Variants in SEMA3D observed in about 807,000 individuals in gnomAD.
The protein encoded by SEMA3D is semaphorin-3D.
In SEMA3D, 84 loss-of-function variants were observed where a neutral mutation model predicts 100.1. The observed-to-expected ratio is 0.84, with a 90% CI of 0.70 to 1.01. The LOEUF (loss-of-function observed/expected upper bound fraction) is 1.01. SEMA3D is among the 50% of genes least tolerant of loss of function. The probability of loss-of-function intolerance (pLI) is 0.00; values close to 1 mark genes in which losing one functional copy is unlikely to be tolerated. For missense variants in SEMA3D, 875 were observed against 934.1 expected (o/e 0.94, Z 0.82); for synonymous variants, 312 against 320.7 (o/e 0.97, Z 0.29).
At chr7:85,101,667 A>C (rs992929118) in intron 3 of SEMA3D, among the ~76,000 whole-genome samples, 55 of 152,152 alleles carry the variant, frequency 3.6e-4, no homozygotes, top group African/African-American at 1.3e-3. Flanking sequence ...TTATAATAAC[A>C]ATGATGTATT....
intron 12 of SEMA3D, among the ~76,000 whole-genome samples, chr7:85,034,837 T>C (rs568102474): frequency 2.0e-5 from 3 of 151,980 alleles, no homozygotes; most frequent in Non-Finnish European, 2.9e-5. Context: ...AAGGAGGATG[T>C]GGGGAAATTG....
At chr7:85,075,424 T>TAAA (rs113310937) in intron 5 of SEMA3D, among the ~76,000 whole-genome samples, 32 of 141,588 alleles carry the variant, frequency 2.3e-4, no homozygotes, top group Admixed American at 5.0e-4. Context: ...TGGTGATTAT[T>TAAA]AAAAAAAAAA....
chr7:85,057,155 T>A (rs1791344435), intron 8 of SEMA3D, among the ~76,000 whole-genome samples: 1 of 152,058 alleles, frequency 6.6e-6, no homozygotes, highest in Non-Finnish European at 1.5e-5. Flanking sequence ...TGTAAAAATG[T>A]TTGCAATATG....
In SEMA3D at chr7:85,126,411, G is replaced by A. The variant is rs1218700660; in HGVS notation, c.-40-4480C>T. ...GTGTGTGTGTGTGTGTGTCGTGTGT[G>A]TGTGTGTGTGTGTGTGTGTGTGTGT... On this transcript the variant is annotated intron_variant, in intron 2 of 18. Transcript: ENST00000284136. 1.2e-3 allele frequency among the ~76,000 whole-genome samples: 59 copies of A among 50,546 alleles called. 1 individual carries two copies. Among genetic ancestry groups the A allele is most frequent in the Middle Eastern group, 0.016 (2 of 122 alleles). 33.2% of individuals were successfully genotyped at this position (50,546 alleles called of 152,430 possible).
upstream of SEMA3D, among the ~76,000 whole-genome samples, chr7:85,191,241 ATATAGGAGTC>A (rs1256776687): frequency 4.6e-5 from 7 of 152,140 alleles, no homozygotes; most frequent in Admixed American, 3.3e-4. Context: ...TCCACGCCTG[ATATAGGAGTC>A]TATATGGTTG....
At chr7:85,236,843 AG>A in the SEMA3D span, among the ~76,000 whole-genome samples, 1 of 152,218 alleles carries the variant, frequency 6.6e-6, no homozygotes, top group East Asian at 1.9e-4. Context: ...CATAAGCTAA[AG>A]AACAGGCACA....
chr7:85,104,576 A>G (rs1788853356), intron 3 of SEMA3D, among the ~76,000 whole-genome samples: 2 of 151,994 alleles, frequency 1.3e-5, no homozygotes, highest in African/African-American at 4.8e-5. Context: ...CCGATGGTCT[A>G]TATTCTTCCT....
chr7:85,044,676 G>A (rs1790957587), intron 9 of SEMA3D, among the ~76,000 whole-genome samples: 1 of 151,986 alleles, frequency 6.6e-6, no homozygotes. Flanking sequence ...GTTCATGTGT[G>A]CTGGAGGCTT....
At chr7:85,011,951 ATGTGTGTGTGTTTGG>A (rs1026340843) in intron 17 of SEMA3D, among the ~76,000 whole-genome samples, 3 of 151,364 alleles carry the variant, frequency 2.0e-5, no homozygotes, top group Admixed American at 6.6e-5. Flanking sequence ...GTGTGTGTGC[ATGTGTGTGTGTTTGG>A]TGTGTGTGTG....
chr7:85,047,000 C>A (rs981544803), intron 9 of SEMA3D, among the ~76,000 whole-genome samples: 13 of 151,808 alleles, frequency 8.6e-5, no homozygotes, highest in African/African-American at 3.1e-4. Context: ...AGCCTTGACA[C>A]CCTCTACACA....
chr7:85,104,966 A>C (rs1788868539), intron 3 of SEMA3D, among the ~76,000 whole-genome samples: 2 of 152,074 alleles, frequency 1.3e-5, no homozygotes, highest in African/African-American at 4.8e-5. Flanking sequence ...AAATAGATCC[A>C]GATCAAAATA....
intron 1 of SEMA3D, among the ~76,000 whole-genome samples, chr7:85,174,538 C>A (rs542118209): frequency 1.3e-5 from 2 of 152,126 alleles, no homozygotes; most frequent in South Asian, 4.2e-4. Context: ...TTATTTTGTG[C>A]AAGACTTGGC....
intron 3 of SEMA3D, among the ~76,000 whole-genome samples, chr7:85,113,710 G>T (rs113043637): frequency 4.0e-5 from 6 of 151,376 alleles, no homozygotes; most frequent in Non-Finnish European, 7.4e-5. Flanking sequence ...GGTGGAGTTT[G>T]CAGTGAGCCG....
intron 9 of SEMA3D, among the ~76,000 whole-genome samples, chr7:85,044,305 T>C (rs960482355): frequency 2.4e-4 from 37 of 152,072 alleles, no homozygotes; most frequent in South Asian, 2.1e-4. Context: ...ACCAGAGGTA[T>C]CTTTATAGCC....
intron 11 of SEMA3D, among the ~76,000 whole-genome samples, chr7:85,038,953 A>G (rs908748856): frequency 1.3e-5 from 2 of 152,196 alleles, no homozygotes; most frequent in South Asian, 2.1e-4. Context: ...ATTGTGCCAC[A>G]GAAAAAAGTT....
chr7:85,147,092 CTTTTTTTTTTTTTTTT>C (rs752922884), intron 2 of SEMA3D, among the ~76,000 whole-genome samples: 4 of 48,178 alleles, frequency 8.3e-5, no homozygotes, highest in South Asian at 7.3e-4. Context: ...TTTTTCTTTT[CTTTTTTTTTTTTTTTT>C]TTTTTTTTTT....
intron 17 of SEMA3D, among the ~76,000 whole-genome samples, chr7:85,010,611 T>A (rs1789924600): frequency 6.6e-6 from 1 of 151,818 alleles, no homozygotes; most frequent in South Asian, 2.1e-4. Flanking sequence ...TAAAAGTGAC[T>A]CCTAGCTGCT....
chr7:85,177,958 G>A (rs565767083), intron 1 of SEMA3D, among the ~76,000 whole-genome samples: 41 of 152,208 alleles, frequency 2.7e-4, no homozygotes, highest in African/African-American at 9.4e-4. Context: ...AGGTCATGAG[G>A]GCAGTTCCCC....
rs918294667 is a variant in SEMA3D, at chr7:84,998,206, C to T, written c.*1234G>A. On this transcript the variant is annotated 3_prime_UTR_variant, in exon 19 of 19. Transcript: ENST00000284136. Reference sequence around the variant, plus strand: ...CCAGAAATGTCATTTTCTTAATTCTCTGTGTGTTATATATTGTTTTCTCCT... The same window carrying T: ...CCAGAAATGTCATTTTCTTAATTCTTTGTGTGTTATATATTGTTTTCTCCT... 3 of 152,032 alleles carry T rather than the reference C, an allele frequency of 2.0e-5. No individual in the cohort carries two copies. Among genetic ancestry groups the T allele is most frequent in the Non-Finnish European group, 2.9e-5 (2 of 67,964 alleles). 9.4% of individuals were successfully genotyped at this position (152,032 alleles called of 1,614,324 possible). A position where few individuals can be genotyped will look rare whatever the true frequency, so the allele number is the denominator to read the frequency against.
Sources: allele counts gnomAD v4.1 joint callset (sites outside exome capture counted in the v4.1 genomes callset), GRCh38; gene constraint gnomAD v4.1.1; transcripts MANE v1.5; gene names NCBI Gene and HGNC (gene_info 2026-07-23, HGNC 2026-07-21).